Variants in U2SURP observed in about 807,000 individuals in gnomAD.
U2SURP encodes the protein U2 snRNP-associated SURP motif-containing protein.
U2SURP carries 9 observed loss-of-function variants against 144.9 expected under a neutral mutation model. That is an observed-to-expected ratio of 0.06 (90% CI 0.04 to 0.11). The LOEUF is 0.11. Among genes scored for constraint, U2SURP ranks in the 10% least tolerant of loss-of-function variants. The pLI, the probability that U2SURP is intolerant of heterozygous loss-of-function variation, is 1.00. For missense variants in U2SURP, 724 were observed against 1,226.7 expected, an observed-to-expected ratio of 0.59 and a Z score of 6.12; for synonymous variants, 408 against 396.8, an observed-to-expected ratio of 1.03 and a Z score of -0.33.
chr3:143,008,266 G>A (rs1315914672), intron 1 of U2SURP, among the ~76,000 whole-genome samples: 1 of 150,534 alleles, frequency 6.6e-6, no homozygotes, highest in Non-Finnish European at 1.5e-5. Context: ...ATGACTTGGA[G>A]TCAGGGAAGA....
Position 143,056,290 on chromosome 3 carries a change from ATTTT to A in U2SURP, c.2952-18_2952-15del. ...TCACATGAGTACTTTATCAATTGGG[ATTTT>A]TTTGTTTGTTTCCTTAGATCACCAT... is the stretch of plus-strand genomic sequence containing the variant. On this transcript the variant is annotated intron_variant, in intron 27 of 27. Transcript: ENST00000473835. The A allele has an allele frequency of 6.3e-7, 1 of 1,582,308 alleles. No individual in the cohort carries two copies. Among genetic ancestry groups the A allele is most frequent in the Non-Finnish European group, 8.6e-7 (1 of 1,163,372 alleles).
Position 143,031,675 on chromosome 3 carries a change from C to A in U2SURP, c.1611-1109C>A, listed in dbSNP as rs529067402. 2.0e-5 allele frequency among the ~76,000 whole-genome samples: 3 copies of A among 152,252 alleles called. No homozygotes were observed. The East Asian group carries it at 5.8e-4, about 29-fold the overall frequency. On this transcript the variant is annotated intron_variant, in intron 16 of 27. Coordinates refer to ENST00000473835, the MANE Select transcript of U2SURP (RefSeq NM_001080415.2). The stretch of plus-strand genomic sequence containing the variant: ...ATAACTTTTACATGCACTGGGAAAT[C>A]AAAAAACTTATGTGATTGGCTATAT...
chr3:143,055,630 G>T (rs1277715713), intron 27 of U2SURP, among the ~76,000 whole-genome samples: 1 of 151,974 alleles, frequency 6.6e-6, no homozygotes, highest in African/African-American at 2.4e-5. Context: ...GATACATAGA[G>T]GAATTTTCCT....
chr3:143,030,171 C>T (rs1933397872), intron 16 of U2SURP, among the ~76,000 whole-genome samples: 1 of 152,194 alleles, frequency 6.6e-6, no homozygotes, highest in Non-Finnish European at 1.5e-5. Context: ...GTAGACAAAG[C>T]AGCCTTTTAT....
At chr3:143,027,772 G>A (rs1933240947) in intron 14 of U2SURP, among the ~76,000 whole-genome samples, 1 of 152,118 alleles carries the variant, frequency 6.6e-6, no homozygotes, top group Non-Finnish European at 1.5e-5. Flanking sequence ...CAACGGGATG[G>A]GAAGACAGTT....
At chr3:143,039,601 T>A (rs1357817605) in intron 23 of U2SURP, among the ~76,000 whole-genome samples, 1 of 15,832 alleles carries the variant, frequency 6.3e-5, no homozygotes, top group African/African-American at 7.0e-4. Flanking sequence ...GGAGTTGAAT[T>A]TTTTTTTTTT....
At chr3:143,038,308 C>A in intron 22 of U2SURP, 105 bp downstream of exon 22, 1 of 784,936 alleles carries the variant, frequency 1.3e-6, no homozygotes, top group Non-Finnish European at 1.9e-6. Flanking sequence ...CACGTTTTAA[C>A]CTTAATGCTC....
At chr3:143,003,677 C>CTTTTTTTTT (rs60505715) in intron 1 of U2SURP, among the ~76,000 whole-genome samples, 46 of 101,504 alleles carry the variant, frequency 4.5e-4, no homozygotes, top group Non-Finnish European at 6.9e-4. Flanking sequence ...TATTTTATTT[C>CTTTTTTTTT]TTTTTTTTTT....
rs1259931569 is a variant in U2SURP at position 143,056,967 on chromosome 3, T to C, written c.*517T>C. On this transcript the variant is annotated 3_prime_UTR_variant, in exon 28 of 28. Coordinates refer to ENST00000473835, the MANE Select transcript of U2SURP (RefSeq NM_001080415.2). ...AGCCCCAGTGTTCAAGTAGCTTAAG[T>C]TTTATATTTACTAAGATGACTATCC... 1 of 153,084 alleles carries C rather than the reference T, an allele frequency of 6.5e-6. No individual in the cohort carries two copies. The highest frequency in any genetic ancestry group is 2.4e-5 in the African/African-American group (1 of 41,416). The allele number at this position is 153,084 out of a possible 1,614,324, so 9.5% of individuals were successfully genotyped here.
chr3:143,023,949 A>G, intron 12 of U2SURP, 26 bp from the exon 13 acceptor site: 1 of 1,609,292 alleles, frequency 6.2e-7, no homozygotes, highest in Non-Finnish European at 8.5e-7. Context: ...TTCTATGTTT[A>G]TTATCTGATG....
Position 143,038,883 on chromosome 3 carries a change from CT to C in U2SURP, c.2318-8del. 1 of 1,534,866 alleles carries C rather than the reference CT, an allele frequency of 6.5e-7. No homozygotes were observed. Among genetic ancestry groups the C allele is most frequent in the Non-Finnish European group, 8.8e-7 (1 of 1,141,544 alleles). ...CTCGTGGAATTACATCCTCCTTTTC[CT>C]TTCATTCAGCTGTTACAACTTCTAA... On this transcript the variant is annotated splice_polypyrimidine_tract_variant and intron_variant, in intron 22 of 27. Transcript: ENST00000473835.
At chr3:143,023,563 A>T (rs909226396) in intron 12 of U2SURP, among the ~76,000 whole-genome samples, 43 of 152,238 alleles carry the variant, frequency 2.8e-4, no homozygotes, top group African/African-American at 1.0e-3. Flanking sequence ...TTCAAGTTAT[A>T]AGAATTCGTT....
intron 3 of U2SURP, among the ~76,000 whole-genome samples, 184 bp downstream of exon 3, chr3:143,012,537 C>G (rs1936172947): frequency 6.6e-6 from 1 of 152,070 alleles, no homozygotes; most frequent in Admixed American, 6.6e-5. Context: ...ATCTTTTTAG[C>G]TCAAATGTGA....
Position 143,056,608 on chromosome 3 carries a change from G to A in U2SURP, c.*158G>A. ...TGTAAACTCATGAGCAACTGCATCT[G>A]TAGATCTGTCATTGTTTTATATTGT... On this transcript the variant is annotated 3_prime_UTR_variant, in exon 28 of 28. Transcript: ENST00000473835. The A allele has an allele frequency of 2.7e-6, 2 of 737,248 alleles. No homozygotes were observed. Among genetic ancestry groups the A allele is most frequent in the Non-Finnish European group, 4.3e-6 (2 of 464,382 alleles). The allele number at this position is 737,248 out of a possible 1,614,324, so 45.7% of individuals were successfully genotyped here.
intron 2 of U2SURP, among the ~76,000 whole-genome samples, chr3:143,011,773 G>T (rs1006953856): frequency 6.6e-6 from 1 of 152,022 alleles, no homozygotes; most frequent in Non-Finnish European, 1.5e-5. Context: ...TGTGTAGTTC[G>T]TCTTAATATT....
intron 2 of U2SURP, chr3:143,011,988 A>G: frequency 1.6e-6 from 1 of 634,462 alleles, no homozygotes; most frequent in East Asian, 3.3e-5. Context: ...TGTTACTTCA[A>G]GGAAAACAAC....
chr3:143,025,756 A>G (rs1399427128), intron 13 of U2SURP: 1 of 152,096 alleles, frequency 6.6e-6, no homozygotes, highest in Non-Finnish European at 1.5e-5. Context: ...CCCTTTGTAA[A>G]GATTTAAACT....
rs1367201543 is a variant in U2SURP, at chr3:143,046,970, C to T, written c.2544+3694C>T. On this transcript the variant is annotated intron_variant, in intron 24 of 27. Transcript: ENST00000473835. ...GGGCTGACCTCCCCCACCTCCCTCC[C>T]GGACGGGGCGGCTGGCCGGGCGGGG... is the stretch of plus-strand genomic sequence containing the variant. 4.0e-4 allele frequency among the ~76,000 whole-genome samples: 54 copies of T among 134,254 alleles called. 2 individuals carry two copies. Among genetic ancestry groups the T allele is most frequent in the African/African-American group, 8.5e-4 (27 of 31,914 alleles). The allele number at this position is 134,254 out of a possible 152,430, so 88.1% of individuals were successfully genotyped here.
At chr3:143,009,732 T>TA (rs748029511) in intron 1 of U2SURP, among the ~76,000 whole-genome samples, 7 of 152,328 alleles carry the variant, frequency 4.6e-5, no homozygotes, top group Admixed American at 3.3e-4. Flanking sequence ...TGATTCAGTG[T>TA]AAAAATCTTA....
Sources: allele counts gnomAD v4.1 joint callset (sites outside exome capture counted in the v4.1 genomes callset), GRCh38; gene constraint gnomAD v4.1.1; transcripts MANE v1.5; gene names NCBI Gene and HGNC (gene_info 2026-07-23, HGNC 2026-07-21).